CPT1C: variants seen among roughly 807,000 people sequenced by gnomAD.
The protein encoded by CPT1C is palmitoyl thioesterase CPT1C.
A neutral mutation model predicts 97.3 loss-of-function variants in CPT1C; 61 were observed. The ratio of observed to expected loss-of-function variants is 0.63; its 90% CI spans 0.51 to 0.78. CPT1C has a LOEUF of 0.78. Among genes scored for constraint, CPT1C ranks in the 30% least tolerant of loss-of-function variants. The pLI is 0.00. For synonymous variants in CPT1C, 469 were observed against 447.2 expected, an observed-to-expected ratio of 1.05 and a Z score of -0.61; for missense variants, 975 against 1,065.5, an observed-to-expected ratio of 0.92 and a Z score of 1.18.
rs143361095 is a variant in CPT1C at position 49,705,098 on chromosome 19, G to A, written c.863G>A (p.Arg288His). ...ALLLYRHRLNRQEIPPTLLMG... is the reference protein window; with the variant it reads ...ALLLYRHRLNHQEIPPTLLMG... ...CTCCTGTACCGCCACCGCCTGAACC[G>A]CCAGGAGATACCCCCGGTGAGAGGG... The change falls in exon 9 of 20, where the codon CGC becomes CAC. Residue 288 changes from arginine to histidine, a missense_variant. By Grantham distance (29) the Arg-to-His change is conservative. Transcript: ENST00000598293. The A allele has an allele frequency of 5.6e-5, 90 of 1,613,874 alleles. No individual in the cohort carries two copies. The Middle Eastern group carries it at 1.2e-3, about 21-fold the overall frequency.
chr19:49,697,411 A>G lies in CPT1C; in HGVS notation c.227A>G (p.Gln76Arg). The G allele has an allele frequency of 6.2e-7, 1 of 1,614,112 alleles. No individual in the cohort carries two copies. Among genetic ancestry groups the G allele is most frequent in the African/African-American group, 1.3e-5 (1 of 75,022 alleles). Reference sequence around the variant, plus strand: ...GCCATCCAGCTTGCCTGGTTCCTCCAGCTGGATCCTTCCTTAGGACTGATG... The same window carrying G: ...GCCATCCAGCTTGCCTGGTTCCTCCGGCTGGATCCTTCCTTAGGACTGATG... ...FSAIQLAWFL[Q>R]LDPSLGLMEK... The change falls in exon 4 of 20, where the codon CAG becomes CGG. Residue 76 changes from glutamine to arginine, a missense_variant. Transcript: ENST00000598293.
intron 4 of CPT1C, among the ~76,000 whole-genome samples, chr19:49,699,457 T>TAAAAAAAAAAAAAAAAA (rs71180647): frequency 2.3e-4 from 8 of 35,292 alleles, no homozygotes; most frequent in African/African-American, 6.8e-4. Context: ...CCCCTGTCTC[T>TAAAAAAAAAAAAAAAAA]AAAAAAAAAA....
At chr19:49,709,485 CCCCAACCCCAGCTTCAACTGTGG>C (rs2083714991) in intron 14 of CPT1C, among the ~76,000 whole-genome samples, 1 of 151,866 alleles carries the variant, frequency 6.6e-6, no homozygotes. Flanking sequence ...CCATCCCCAT[CCCCAACCCCAGCTTCAACTGTGG>C]CCCAACCCCA....
At position 49,710,405 on chromosome 19, in the gene CPT1C, T is replaced by C; in HGVS notation, c.1652T>C (p.Phe551Ser). Residue 551 changes from phenylalanine to serine, a missense_variant, in exon 15 of 20, where the codon TTT (phenylalanine) becomes TCT (serine). This residue lies in a region of CPT1C where 344 missense variants were observed against 395.7 expected (regional missense o/e 0.87). Transcript: ENST00000598293. The part of the protein sequence containing the change: ...VDCHVVPFSL[F>S]GKSFIRRCHL... ...TGCCATGTCGTTCCATTCTCCCTAT[T>C]TGGCAAGAGCTTCATCCGACGCTGC... 6.2e-7 allele frequency: 1 copy of C among 1,614,120 alleles called. No homozygotes were observed. Among genetic ancestry groups the C allele is most frequent in the Non-Finnish European group, 8.5e-7 (1 of 1,180,024 alleles).
At chr19:49,695,153 A>G (rs1329140817) in intron 3 of CPT1C, among the ~76,000 whole-genome samples, 1 of 152,076 alleles carries the variant, frequency 6.6e-6, no homozygotes, top group Non-Finnish European at 1.5e-5. Flanking sequence ...AAAAAAACAA[A>G]CATGTGGCCA....
Position 49,701,477 on chromosome 19 carries a change from T to G in CPT1C, c.556-20T>G, listed in dbSNP as rs1237600739. 6.3e-7 allele frequency: 1 copy of G among 1,597,010 alleles called. No individual in the cohort carries two copies. Among genetic ancestry groups the G allele is most frequent in the Non-Finnish European group, 8.6e-7 (1 of 1,167,588 alleles). On this transcript the variant is annotated intron_variant, in intron 6 of 19. Transcript: ENST00000598293. ...GCCGGGGCGGGCCGGGGGCGTGACC[T>G]GCCCTCTTCTCCCCTTTAGTACCTG...
chr19:49,711,592 C>T, intron 16 of CPT1C: 1 of 579,884 alleles, frequency 1.7e-6, no homozygotes, highest in Non-Finnish European at 3.0e-6. Flanking sequence ...ACTCTGGGGC[C>T]AGACACACCT....
chr19:49,711,015 G>A (rs2083841191), intron 16 of CPT1C, 158 bp downstream of exon 16: 3 of 687,848 alleles, frequency 4.4e-6, no homozygotes, highest in Non-Finnish European at 7.1e-6. Flanking sequence ...CTCACTGATG[G>A]GGGGAGACAG....
chr19:49,695,858 C>T (rs537029265), intron 3 of CPT1C, among the ~76,000 whole-genome samples: 6 of 150,956 alleles, frequency 4.0e-5, no homozygotes, highest in Non-Finnish European at 5.9e-5. Context: ...TGGGATTACA[C>T]GCATAAGCCA....
intron 3 of CPT1C, among the ~76,000 whole-genome samples, chr19:49,697,006 G>A (rs764019090): frequency 5.3e-5 from 8 of 152,092 alleles, no homozygotes; most frequent in Non-Finnish European, 8.8e-5. Flanking sequence ...CACCACATCC[G>A]GACTGTTCTG....
rs1487827516 is a variant in CPT1C at position 49,701,990 on chromosome 19, A to T, written c.693+356A>T. Among the ~76,000 whole-genome samples the T allele has an allele frequency of 9.6e-4, 50 of 52,244 alleles. 13 individuals carry two copies. Among genetic ancestry groups the T allele is most frequent in the African/African-American group, 2.9e-3 (46 of 15,736 alleles). The allele number at this position is 52,244 out of a possible 152,430, so 34.3% of individuals were successfully genotyped here. On this transcript the variant is annotated intron_variant, in intron 7 of 19. Coordinates refer to ENST00000598293, the MANE Select transcript of CPT1C (RefSeq NM_001199753.2). ...TATAAATTTATAAATAAATATATAA[A>T]TATTATAAATATATTAAATATATTT...
intron 4 of CPT1C, among the ~76,000 whole-genome samples, chr19:49,700,127 T>G (rs543914840): frequency 5.6e-4 from 78 of 139,038 alleles, no homozygotes; most frequent in African/African-American, 1.7e-3. Flanking sequence ...GGCACCTGTA[T>G]TCCCAGCTAC....
rs776111761 is a variant in CPT1C, at chr19:49,713,454, C to T, written c.2261C>T (p.Ala754Val). 1.2e-6 allele frequency: 2 copies of T among 1,613,902 alleles called. No individual in the cohort carries two copies. The highest frequency in any genetic ancestry group is 3.3e-5 in the Admixed American group (2 of 59,984). The change falls in exon 20 of 20, where the codon GCA (alanine) becomes GTA (valine). Residue 754 changes from alanine (A) to valine (V), a missense_variant. Transcript: ENST00000598293. Reference protein sequence around the residue: ...SHRLGQHIEDALLDVASLFQA... With the variant: ...SHRLGQHIEDVLLDVASLFQA... ...AGGCTGGGGCAGCACATTGAGGACG[C>T]ACTGCTGGATGTGGCCTCCCTGTTC...
Position 49,710,310 on chromosome 19 carries a change from C to T in CPT1C, c.1567-10C>T, listed in dbSNP as rs375629533. 3.5e-5 allele frequency: 56 copies of T among 1,613,362 alleles called. No individual in the cohort carries two copies. Among genetic ancestry groups the T allele is most frequent in the Non-Finnish European group, 4.7e-5 (56 of 1,179,450 alleles). On this transcript the variant is annotated splice_polypyrimidine_tract_variant and intron_variant, in intron 14 of 19. Transcript: ENST00000598293. ...ACCCCAACTACTCCTCTTCCCTCCT[C>T]CTCTGGCAGATCCACTCCTCCATCT...
At chr19:49,704,603 C>G in intron 7 of CPT1C, 107 bp from the exon 8 acceptor site, 1 of 831,550 alleles carries the variant, frequency 1.2e-6, no homozygotes, top group South Asian at 1.5e-5. Flanking sequence ...TTCTTTGGCT[C>G]TATCCTCCCT....
intron 7 of CPT1C, among the ~76,000 whole-genome samples, chr19:49,703,595 C>CCTTCCTTCCTTCCTTCCTTCCTT (rs1568525615): frequency 0.013 from 1,002 of 75,830 alleles, 44 homozygotes; most frequent in Middle Eastern, 0.025. Context: ...CTCCCTCCCT[C>CCTTCCTTCCTTCCTTCCTTCCTT]CCTTCCTTCC....
Position 49,706,764 on chromosome 19 carries a change from A to T in CPT1C, c.1343+351A>T, listed in dbSNP as rs2083523053. ...AAACCCAGGACCCCTAGGCCCAGGG[A>T]CCCCAGACTTGGCAACCTCAGCCTC... On this transcript the variant is annotated intron_variant, in intron 12 of 19. Transcript: ENST00000598293. The surrounding 1 kb of genome is among the most constrained non-coding windows in gnomAD (Gnocchi z 4.8). Among the ~76,000 whole-genome samples the T allele has an allele frequency of 4.6e-5, 7 of 151,936 alleles. No homozygotes were observed. The highest frequency in any genetic ancestry group is 3.3e-4 in the Admixed American group (5 of 15,218).
At position 49,707,502 on chromosome 19, in the gene CPT1C, G is replaced by A. The variant is rs767043226; in HGVS notation, c.1344-16G>A. 3 of 1,606,112 alleles carry A rather than the reference G, an allele frequency of 1.9e-6. No homozygotes were observed. The highest frequency in any genetic ancestry group is 2.6e-6 in the Non-Finnish European group (3 of 1,173,268). ...GCCCCTCGCTCTTGGTGACCCATCT[G>A]AACTCTCCCTGACAGCTGGTTTGAC... On this transcript the variant is annotated splice_polypyrimidine_tract_variant and intron_variant, in intron 12 of 19. Transcript: ENST00000598293.
chr19:49,710,874 C>T lies in CPT1C; in HGVS notation c.1866+17C>T. 2 of 1,596,138 alleles carry T rather than the reference C, an allele frequency of 1.3e-6. No homozygotes were observed. Among genetic ancestry groups the T allele is most frequent in the South Asian group, 1.1e-5 (1 of 90,110 alleles). Reference sequence around the variant, plus strand: ...GAGAAGACGGTGGGTGCAGCCCTCGCTTGAGGCTTCAGTTATTTCTGTGTA... The same window carrying T: ...GAGAAGACGGTGGGTGCAGCCCTCGTTTGAGGCTTCAGTTATTTCTGTGTA... On this transcript the variant is annotated intron_variant, in intron 16 of 19. Coordinates refer to ENST00000598293, the MANE Select transcript of CPT1C (RefSeq NM_001199753.2).
Sources: allele counts gnomAD v4.1 joint callset (sites outside exome capture counted in the v4.1 genomes callset), GRCh38; gene constraint gnomAD v4.1.1; regional missense constraint gnomAD v4.1.1; non-coding constraint Gnocchi (gnomAD v3.1); transcripts MANE v1.5; gene names NCBI Gene and HGNC (gene_info 2026-07-23, HGNC 2026-07-21).